Variants in RFTN1 observed in about 807,000 individuals in gnomAD.
RFTN1 encodes the protein raftlin, lipid raft linker 1, also known as raftlin.
A neutral mutation model predicts 46.5 loss-of-function variants in RFTN1; 26 were observed. The observed-to-expected ratio is 0.56, with a 90% CI of 0.41 to 0.78. The LOEUF (loss-of-function observed/expected upper bound fraction) is 0.78. Ranked by LOEUF, RFTN1 falls within the 30% of genes least tolerant of loss-of-function variation. The pLI is 0.00. For synonymous variants in RFTN1, 261 were observed against 284.2 expected (o/e 0.92, Z 0.82); for missense variants, 693 against 718.7 (o/e 0.96, Z 0.41).
intron 2 of RFTN1, among the ~76,000 whole-genome samples, chr3:16,462,885 C>T (rs951880649): frequency 9.2e-5 from 14 of 152,156 alleles, no homozygotes; most frequent in African/African-American, 2.7e-4. Context: ...GCCTAAAAAA[C>T]GGAAACACCA....
chr3:16,445,510 C>G (rs1410750507), intron 2 of RFTN1, among the ~76,000 whole-genome samples: 3 of 151,030 alleles, frequency 2.0e-5, no homozygotes, highest in Non-Finnish European at 4.4e-5. Flanking sequence ...CACACACACA[C>G]ACACACACAC....
Position 16,402,687 on chromosome 3 carries a change from TTC to T in RFTN1, c.441+6686_441+6687del, listed in dbSNP as rs2074633742. Reference sequence around the variant, plus strand: ...TTCATCATCCCGGAGATTTGGGATATTCTGTTTCATTAAAAGAAGCCATTGAG... The same window carrying T: ...TTCATCATCCCGGAGATTTGGGATATTGTTTCATTAAAAGAAGCCATTGAG... On this transcript the variant is annotated intron_variant, in intron 4 of 9. Coordinates refer to ENST00000334133, the MANE Select transcript of RFTN1 (RefSeq NM_015150.2). This position sits in a 1 kb window ranked among gnomAD's most constrained non-coding sequence, Gnocchi z 4.5. Among the ~76,000 whole-genome samples the T allele has an allele frequency of 6.6e-6, 1 of 152,168 alleles. No homozygotes were observed. Among genetic ancestry groups the T allele is most frequent in the South Asian group, 2.1e-4 (1 of 4,826 alleles).
intron 3 of RFTN1, among the ~76,000 whole-genome samples, chr3:16,419,882 G>T (rs1323929012): frequency 6.6e-6 from 1 of 152,134 alleles, no homozygotes; most frequent in Non-Finnish European, 1.5e-5. Context: ...CACTTCTGTT[G>T]AAAAAAGTTT....
In RFTN1 at chr3:16,346,938, C is replaced by G. The variant is rs2071761708; in HGVS notation, c.1146+10994G>C. Among the ~76,000 whole-genome samples the G allele has an allele frequency of 6.6e-6, 1 of 152,214 alleles. No homozygotes were observed. The highest frequency in any genetic ancestry group is 1.5e-5 in the Non-Finnish European group (1 of 68,042). On this transcript the variant is annotated intron_variant, in intron 7 of 9. Coordinates refer to ENST00000334133, the MANE Select transcript of RFTN1 (RefSeq NM_015150.2). This position sits in a 1 kb window ranked among gnomAD's most constrained non-coding sequence, Gnocchi z 4.4. Reference sequence around the variant, plus strand: ...GACTCTGCAACCTCCCCACCTTGCTCTAGACTTCCTGCTCAATGAGATGAG... The same window carrying G: ...GACTCTGCAACCTCCCCACCTTGCTGTAGACTTCCTGCTCAATGAGATGAG...
chr3:16,404,353 T>TATATAATATATAATATATATA (rs2074791775), intron 4 of RFTN1, among the ~76,000 whole-genome samples: 2 of 20,190 alleles, frequency 9.9e-5, no homozygotes, highest in Admixed American at 7.5e-4. Flanking sequence ...TAATATATAA[T>TATATAATATATAATATATATA]ATATATACAC....
At position 16,384,741 on chromosome 3, in the gene RFTN1, TATTTAA is replaced by T. The variant is rs529389156; in HGVS notation, c.442-6645_442-6640del. ...TAGGTAGCCACTAGCCACATGTGGC[TATTTAA>T]ATTTAAATTAATTCAAATAAAATAA... On this transcript the variant is annotated intron_variant, in intron 4 of 9. Transcript: ENST00000334133. The surrounding 1 kb of genome is among the most constrained non-coding windows in gnomAD (Gnocchi z 4.7). 9.1e-4 allele frequency among the ~76,000 whole-genome samples: 138 copies of T among 152,346 alleles called. 1 individual carries two copies. The highest frequency in any genetic ancestry group is 8.4e-3 in the Admixed American group (129 of 15,302).
chr3:16,482,607 A>G (rs1228006097), intron 2 of RFTN1: 4 of 772,556 alleles, frequency 5.2e-6, no homozygotes, highest in Non-Finnish European at 6.7e-6. Flanking sequence ...AACCACGGGC[A>G]CATTAGGTAA....
rs1024481480 is a variant in RFTN1, at chr3:16,475,014, C to G, written c.145+18711G>C. On this transcript the variant is annotated intron_variant, in intron 2 of 9. Coordinates refer to ENST00000334133, the MANE Select transcript of RFTN1 (RefSeq NM_015150.2). This position sits in a 1 kb window ranked among gnomAD's most constrained non-coding sequence, Gnocchi z 4.2. ...GTGGGAGGTGTTTGGGTCATAGGGGCGGATCCCTCACGAAAGGCTTGCTGT... is the reference window on the plus strand; with the variant it reads ...GTGGGAGGTGTTTGGGTCATAGGGGGGGATCCCTCACGAAAGGCTTGCTGT... Among the ~76,000 whole-genome samples the G allele has an allele frequency of 6.6e-6, 1 of 152,164 alleles. No homozygotes were observed. Among genetic ancestry groups the G allele is most frequent in the Non-Finnish European group, 1.5e-5 (1 of 68,028 alleles).
chr3:16,477,047 C>T (rs2076293419), intron 2 of RFTN1, among the ~76,000 whole-genome samples: 1 of 152,130 alleles, frequency 6.6e-6, no homozygotes, highest in Admixed American at 6.6e-5. Flanking sequence ...GGGGCTGAAA[C>T]AAATTTTTGG....
Position 16,370,316 on chromosome 3 carries a change from G to A in RFTN1, c.827-37C>T. ...TGTAAAGGGAGTGGAGAGAGAAGAG[G>A]TCAACTGATGATAAAAATCTGTTTC... is the stretch of plus-strand genomic sequence containing the variant. On this transcript the variant is annotated intron_variant, in intron 5 of 9. Coordinates refer to ENST00000334133, the MANE Select transcript of RFTN1 (RefSeq NM_015150.2). The surrounding 1 kb of genome is among the most constrained non-coding windows in gnomAD (Gnocchi z 5.5). 1 of 1,587,356 alleles carries A rather than the reference G, an allele frequency of 6.3e-7. No individual in the cohort carries two copies. Among genetic ancestry groups the A allele is most frequent in the Non-Finnish European group, 8.7e-7 (1 of 1,155,884 alleles).
At chr3:16,431,008 C>T (rs1355711024) in intron 3 of RFTN1, among the ~76,000 whole-genome samples, 9 of 152,210 alleles carry the variant, frequency 5.9e-5, no homozygotes, top group Non-Finnish European at 7.3e-5. Flanking sequence ...TTTCTGAAGA[C>T]GGGCTTCCTC....
intron 2 of RFTN1, among the ~76,000 whole-genome samples, chr3:16,454,287 T>C (rs758434952): frequency 2.6e-5 from 4 of 152,228 alleles, no homozygotes; most frequent in Non-Finnish European, 5.9e-5. Flanking sequence ...TCACAGTCCA[T>C]CTATGGAGTG....
At chr3:16,318,964 A>G (rs2068736172) in intron 9 of RFTN1, among the ~76,000 whole-genome samples, 1 of 152,170 alleles carries the variant, frequency 6.6e-6, no homozygotes, top group Non-Finnish European at 1.5e-5. Context: ...AGGCATCTCG[A>G]GGCTCCAAAC....
chr3:16,487,238 T>C (rs2076462043), intron 2 of RFTN1, among the ~76,000 whole-genome samples: 1 of 152,234 alleles, frequency 6.6e-6, no homozygotes, highest in Admixed American at 6.5e-5. Context: ...CCCCAAGACA[T>C]GGCATCTGGC....
chr3:16,418,469 T>C lies in RFTN1; in HGVS notation c.333-8986A>G, dbSNP rs549635284. 7.2e-5 allele frequency among the ~76,000 whole-genome samples: 11 copies of C among 151,858 alleles called. No homozygotes were observed. The highest frequency in any genetic ancestry group is 2.2e-4 in the African/African-American group (9 of 41,258). ...GGAGAGAGAATGTGCAGTTCATCAG[T>C]AGGGTTATTTTTGCTTCATTTAGAA... On this transcript the variant is annotated intron_variant, in intron 3 of 9. Transcript: ENST00000334133. This position sits in a 1 kb window ranked among gnomAD's most constrained non-coding sequence, Gnocchi z 5.0.
At position 16,512,148 on chromosome 3, in the gene RFTN1, T is replaced by G. The variant is rs555499144; in HGVS notation, c.-9+1294A>C. ...TGGTGACATCTGGGGTCACTTGAAC[T>G]TCGTTGGGATTCAGCTGTTCAGAGA... is the stretch of plus-strand genomic sequence containing the variant. On this transcript the variant is annotated intron_variant, in intron 1 of 9. Transcript: ENST00000334133. The surrounding 1 kb of genome is among the most constrained non-coding windows in gnomAD (Gnocchi z 4.3). Among the ~76,000 whole-genome samples the G allele has an allele frequency of 5.9e-5, 9 of 152,122 alleles. No homozygotes were observed. Among genetic ancestry groups the G allele is most frequent in the Non-Finnish European group, 1.3e-4 (9 of 68,028 alleles).
chr3:16,326,463 G>A (rs899304734), intron 8 of RFTN1, among the ~76,000 whole-genome samples: 1 of 152,216 alleles, frequency 6.6e-6, no homozygotes, highest in Non-Finnish European at 1.5e-5. Context: ...AAGGCACATA[G>A]TAGGTGCTGA....
Position 16,383,886 on chromosome 3 carries a change from C to T in RFTN1, c.442-5784G>A, listed in dbSNP as rs1314165917. ...ACTTCCAAGACTGTTTTGTCTGACT[C>T]TAAGGAGGATGGTGTCACAGTTAAT... On this transcript the variant is annotated intron_variant, in intron 4 of 9. Coordinates refer to ENST00000334133, the MANE Select transcript of RFTN1 (RefSeq NM_015150.2). This position sits in a 1 kb window ranked among gnomAD's most constrained non-coding sequence, Gnocchi z 4.0. 2.0e-5 allele frequency among the ~76,000 whole-genome samples: 3 copies of T among 152,208 alleles called. No individual in the cohort carries two copies. The highest frequency in any genetic ancestry group is 7.2e-5 in the African/African-American group (3 of 41,438).
chr3:16,346,061 C>T lies in RFTN1; in HGVS notation c.1146+11871G>A, dbSNP rs1018930648. The T allele has an allele frequency of 6.6e-6, 1 of 152,114 alleles. No individual in the cohort carries two copies. The highest frequency in any genetic ancestry group is 2.4e-5 in the African/African-American group (1 of 41,414). 9.4% of individuals were successfully genotyped at this position (152,114 alleles called of 1,614,324 possible). Reference sequence around the variant, plus strand: ...ATCTTCACCAGAACGGCATACTTGCCTCTCCCCTCGTCAGATTGAAAAGGT... The same window carrying T: ...ATCTTCACCAGAACGGCATACTTGCTTCTCCCCTCGTCAGATTGAAAAGGT... On this transcript the variant is annotated intron_variant, in intron 7 of 9. Transcript: ENST00000334133. The surrounding 1 kb of genome is among the most constrained non-coding windows in gnomAD (Gnocchi z 4.4).
Sources: gnomAD v4.1 joint callset for allele counts (sites outside exome capture counted in the v4.1 genomes callset) on GRCh38, gnomAD v4.1.1 for gene constraint, Gnocchi (gnomAD v3.1) non-coding constraint, MANE v1.5 for transcripts, NCBI Gene and HGNC (gene_info 2026-07-23, HGNC 2026-07-21) for gene names.